The following TRERF1 variants were observed in gnomAD, a reference collection of about 807,000 sequenced individuals.
The protein encoded by TRERF1 is transcriptional-regulating factor 1.
Under a neutral mutation model 122.9 loss-of-function variants are expected in TRERF1, and 27 were observed. The ratio of observed to expected loss-of-function variants is 0.22; its 90% CI spans 0.16 to 0.30. The LOEUF (loss-of-function observed/expected upper bound fraction) is 0.30, where lower values mean the gene tolerates loss of function less well. Ranked by LOEUF, TRERF1 falls within the 10% of genes least tolerant of loss-of-function variation. TRERF1 has a pLI of 1.00. For synonymous variants in TRERF1, 636 were observed against 641.7 expected (o/e 0.99, Z 0.13); for missense variants, 1,248 against 1,560.3 (o/e 0.80, Z 3.37).
At chr6:42,377,238 G>T (rs746138959) in intron 2 of TRERF1, among the ~76,000 whole-genome samples, 15 of 152,180 alleles carry the variant, frequency 9.9e-5, no homozygotes, top group Non-Finnish European at 1.9e-4. Flanking sequence ...TGATTTTTAG[G>T]ATAGTCACAA....
intron 2 of TRERF1, among the ~76,000 whole-genome samples, chr6:42,431,541 C>A (rs560781532): frequency 5.3e-5 from 8 of 152,276 alleles, no homozygotes; most frequent in East Asian, 3.9e-4. Flanking sequence ...CCCTGATACT[C>A]CAATTAGTGG....
intron 3 of TRERF1, among the ~76,000 whole-genome samples, chr6:42,361,250 G>A (rs1424331254): frequency 6.6e-6 from 1 of 152,156 alleles, no homozygotes; most frequent in African/African-American, 2.4e-5. Context: ...TGACCATACT[G>A]GCACCCTCAT....
chr6:42,404,163 C>G (rs956662871), intron 2 of TRERF1, among the ~76,000 whole-genome samples: 2 of 152,202 alleles, frequency 1.3e-5, no homozygotes, highest in Non-Finnish European at 2.9e-5. Context: ...TTCTTCTGAG[C>G]AGATGCCTCT....
At chr6:42,309,328 G>A (rs1345291571) in intron 3 of TRERF1, among the ~76,000 whole-genome samples, 4 of 152,168 alleles carry the variant, frequency 2.6e-5, no homozygotes, top group Non-Finnish European at 5.9e-5. Context: ...TTATTTTATA[G>A]ATAAGGAGAT....
chr6:42,249,285 A>G (rs982486111), intron 13 of TRERF1, among the ~76,000 whole-genome samples: 2 of 152,186 alleles, frequency 1.3e-5, no homozygotes, highest in Non-Finnish European at 2.9e-5. Flanking sequence ...GCTCTGAGAC[A>G]TGACAAGACA....
At chr6:42,277,164 A>T (rs1298793431) in intron 4 of TRERF1, among the ~76,000 whole-genome samples, 2 of 152,198 alleles carry the variant, frequency 1.3e-5, no homozygotes, top group African/African-American at 2.4e-5. Flanking sequence ...TGGGAGCTGC[A>T]GGAGTCTAGG....
At chr6:42,310,332 A>G (rs1445017849) in intron 3 of TRERF1, among the ~76,000 whole-genome samples, 2 of 152,170 alleles carry the variant, frequency 1.3e-5, no homozygotes, top group African/African-American at 4.8e-5. Context: ...GACAGCACCA[A>G]ATAGAACATT....
intron 3 of TRERF1, among the ~76,000 whole-genome samples, chr6:42,349,775 G>A (rs1206509340): frequency 1.3e-5 from 2 of 152,112 alleles, no homozygotes; most frequent in Non-Finnish European, 2.9e-5. Flanking sequence ...TTCTCCAGAT[G>A]TTTACCTATT....
chr6:42,335,747 T>C (rs1423021076), intron 3 of TRERF1, among the ~76,000 whole-genome samples: 1 of 152,166 alleles, frequency 6.6e-6, no homozygotes, highest in African/African-American at 2.4e-5. Context: ...AGCTCAATCA[T>C]CCCTTCCTCA....
chr6:42,373,284 G>A (rs548664265), intron 2 of TRERF1, among the ~76,000 whole-genome samples: 1 of 152,304 alleles, frequency 6.6e-6, no homozygotes, highest in East Asian at 1.9e-4. Flanking sequence ...TGTAATCCTA[G>A]CACTTTGGGA....
intron 17 of TRERF1, among the ~76,000 whole-genome samples, chr6:42,229,470 C>T (rs1003514823): frequency 3.9e-5 from 6 of 152,200 alleles, no homozygotes; most frequent in East Asian, 1.9e-4. Flanking sequence ...TCTGCCCACA[C>T]GCACTTGGTG....
chr6:42,414,951 C>A (rs955653418), intron 2 of TRERF1, among the ~76,000 whole-genome samples: 4 of 152,200 alleles, frequency 2.6e-5, no homozygotes, highest in Non-Finnish European at 5.9e-5. Context: ...AAGAGATGGG[C>A]ATTCATAATT....
chr6:42,268,136 C>T lies in TRERF1; in HGVS notation c.1437+18G>A. 1 of 1,440,264 alleles carries T rather than the reference C, an allele frequency of 6.9e-7. No homozygotes were observed. Among genetic ancestry groups the T allele is most frequent in the Non-Finnish European group, 9.1e-7 (1 of 1,094,946 alleles). The allele number at this position is 1,440,264 out of a possible 1,614,324, so 89.2% of individuals were successfully genotyped here. A position where few individuals can be genotyped will look rare whatever the true frequency, so the allele number is the denominator to read the frequency against. On this transcript the variant is annotated intron_variant, in intron 5 of 17. Transcript: ENST00000372922. The surrounding 1 kb of genome is among the most constrained non-coding windows in gnomAD (Gnocchi z 4.4). ...GTAGCACACTGGGTATTGAGAGAAA[C>T]TTCCAATGGGAGAATACCTGGGGCC...
rs1462917002 is a variant in TRERF1 at position 42,259,489 on chromosome 6, G to A, written c.2119C>T (p.Pro707Ser). 4 of 1,611,036 alleles carry A rather than the reference G, an allele frequency of 2.5e-6. No individual in the cohort carries two copies. Among genetic ancestry groups the A allele is most frequent in the East Asian group, 4.5e-5 (2 of 44,870 alleles). ...CTCAGCATGGGTGGGGGCGTGTAAG[G>A]GGGCAGCTCGTGGGTGGGGTCCAGG... Residue 707 changes from proline (P) to serine (S), a missense_variant, in exon 9 of 18, where the codon CCT becomes TCT. This residue lies in a region of TRERF1 where 946 missense variants were observed against 1,073.0 expected (regional missense o/e 0.88). Coordinates refer to ENST00000372922, the Ensembl canonical transcript of TRERF1. This position sits in a 1 kb window ranked among gnomAD's most constrained non-coding sequence, Gnocchi z 4.9.
intron 3 of TRERF1, among the ~76,000 whole-genome samples, chr6:42,361,359 A>G (rs1349366478): frequency 6.6e-6 from 1 of 152,196 alleles, no homozygotes; most frequent in Non-Finnish European, 1.5e-5. Context: ...CAAACAGACT[A>G]CGATGTGTGT....
At chr6:42,294,410 G>A (rs774259243) in intron 4 of TRERF1, among the ~76,000 whole-genome samples, 4 of 151,550 alleles carry the variant, frequency 2.6e-5, no homozygotes, top group East Asian at 1.9e-4. Context: ...TCGAACTCCC[G>A]GTCTCATGAT....
Position 42,269,809 on chromosome 6 carries a change from T to C in TRERF1, c.-219A>G, listed in dbSNP as rs574691992. ...TCACATCCTCTCCCTGGCTGAGGTATAGACCACACAGCACTGTGGTGAGGA... is the reference window on the plus strand; with the variant it reads ...TCACATCCTCTCCCTGGCTGAGGTACAGACCACACAGCACTGTGGTGAGGA... On this transcript the variant is annotated 5_prime_UTR_variant, in exon 5 of 18. Transcript: ENST00000372922. The surrounding 1 kb of genome is among the most constrained non-coding windows in gnomAD (Gnocchi z 4.9). 2.3e-5 allele frequency: 30 copies of C among 1,329,712 alleles called. No individual in the cohort carries two copies. In the East Asian group the frequency reaches 2.6e-4, roughly 11 times the overall value. 82.4% of individuals were successfully genotyped at this position (1,329,712 alleles called of 1,614,324 possible). A position where few individuals can be genotyped will look rare whatever the true frequency, so the allele number is the denominator to read the frequency against.
intron 2 of TRERF1, among the ~76,000 whole-genome samples, chr6:42,400,890 C>T (rs1320559399): frequency 6.6e-6 from 1 of 152,206 alleles, no homozygotes; most frequent in South Asian, 2.1e-4. Flanking sequence ...CTTGACAGGT[C>T]TTGCTCCCAA....
intron 17 of TRERF1, among the ~76,000 whole-genome samples, chr6:42,229,125 T>TTTGTTG (rs372117238): frequency 6.6e-6 from 1 of 151,908 alleles, no homozygotes; most frequent in Non-Finnish European, 1.5e-5. Context: ...AGTTGTTGGT[T>TTTGTTG]TTGTTGTTGT....
Sources: gnomAD v4.1 joint callset for allele counts (sites outside exome capture counted in the v4.1 genomes callset) on GRCh38, gnomAD v4.1.1 for gene constraint, gnomAD v4.1.1 regional missense constraint, Gnocchi (gnomAD v3.1) non-coding constraint, MANE v1.5 for transcripts, NCBI Gene and HGNC (gene_info 2026-07-23, HGNC 2026-07-21) for gene names.